The following TRIM67 variants were observed in gnomAD, a reference collection of about 807,000 sequenced individuals.
The protein encoded by TRIM67 is tripartite motif-containing protein 67.
Under a neutral mutation model 71.0 loss-of-function variants are expected in TRIM67, and 39 were observed. That is an observed-to-expected ratio of 0.55 (90% confidence interval 0.43 to 0.72). The LOEUF is 0.72. Ranked by LOEUF, TRIM67 falls within the 30% of genes least tolerant of loss-of-function variation. The pLI is 0.00. For missense variants in TRIM67, 973 were observed against 1,079.2 expected (o/e 0.90, Z 1.38); for synonymous variants, 481 against 473.9 (o/e 1.01, Z -0.19).
At position 231,201,260 on chromosome 1, in the gene TRIM67, G is replaced by A. The variant is rs985625945; in HGVS notation, c.1375-98G>A. ...TAGAGCACAACCCTTTTCTGTCTCT[G>A]AGTCCCATAGAGACAAAGTCCCTAC... On this transcript the variant is annotated intron_variant, in intron 4 of 9. Coordinates refer to ENST00000366653, the MANE Select transcript of TRIM67 (RefSeq NM_001004342.5). The A allele has an allele frequency of 1.7e-5, 22 of 1,302,354 alleles. No homozygotes were observed. In the African/African-American group the frequency reaches 3.1e-4, roughly 19 times the overall value. The allele number at this position is 1,302,354 out of a possible 1,614,324, so 80.7% of individuals were successfully genotyped here.
At chr1:231,176,916 A>AAAAAAAAAC (rs1553322822) in intron 1 of TRIM67, among the ~76,000 whole-genome samples, 2 of 151,670 alleles carry the variant, frequency 1.3e-5, no homozygotes, top group African/African-American at 4.8e-5. Flanking sequence ...CAAAAAAAAA[A>AAAAAAAAAC]AAAAAAACAC....
At chr1:231,203,807 G>A in intron 5 of TRIM67, 60 bp from the exon 6 acceptor site, 5 of 1,561,504 alleles carry the variant, frequency 3.2e-6, no homozygotes, top group Non-Finnish European at 4.3e-6. Context: ...GTGGGGTGGG[G>A]GACCGGGCTG....
At chr1:231,204,514 T>C (rs1446325990) in intron 6 of TRIM67, among the ~76,000 whole-genome samples, 2 of 152,168 alleles carry the variant, frequency 1.3e-5, no homozygotes, top group Non-Finnish European at 2.9e-5. Flanking sequence ...TAGACTATCA[T>C]GGGGGCAATA....
chr1:231,171,431 C>G (rs1682614936), intron 1 of TRIM67, among the ~76,000 whole-genome samples: 1 of 152,108 alleles, frequency 6.6e-6, no homozygotes, highest in African/African-American at 2.4e-5. Flanking sequence ...CCTTGGGTTT[C>G]ATATTAGTTT....
intron 8 of TRIM67, among the ~76,000 whole-genome samples, chr1:231,213,431 T>C (rs1455006362): frequency 1.3e-5 from 2 of 152,132 alleles, no homozygotes; most frequent in Admixed American, 6.5e-5. Flanking sequence ...CAGCATCCTA[T>C]ATATAATTTT....
chr1:231,199,200 C>G (rs1190292500), intron 3 of TRIM67, 31 bp downstream of exon 3: 1 of 1,607,506 alleles, frequency 6.2e-7, no homozygotes, highest in African/African-American at 1.3e-5. Flanking sequence ...CACATTGAAT[C>G]CCTGCCACAT....
Position 231,218,252 on chromosome 1 carries a change from A to G in TRIM67, c.*2812A>G, listed in dbSNP as rs1684063658. 1.0e-6 allele frequency: 1 copy of G among 998,466 alleles called. No individual in the cohort carries two copies. Among genetic ancestry groups the G allele is most frequent in the African/African-American group, 1.7e-5 (1 of 58,098 alleles). 61.9% of individuals were successfully genotyped at this position (998,466 alleles called of 1,614,324 possible). A position where few individuals can be genotyped will look rare whatever the true frequency, so the allele number is the denominator to read the frequency against. On this transcript the variant is annotated 3_prime_UTR_variant, in exon 10 of 10. Transcript: ENST00000366653. ...ACCATCGAATTCCATAACACGTTAC[A>G]TCATGGTGGCACATTTGTACATACA... is the stretch of plus-strand genomic sequence containing the variant.
At chr1:231,213,772 AG>A (rs1404471807) in intron 8 of TRIM67, 42 bp from the exon 9 acceptor site, 1 of 1,531,444 alleles carries the variant, frequency 6.5e-7, no homozygotes, top group East Asian at 2.3e-5. Flanking sequence ...CCTACATCCC[AG>A]GCTGGGTGTG....
At position 231,218,863 on chromosome 1, in the gene TRIM67, C is replaced by T. The variant is rs1186349652; in HGVS notation, c.*3423C>T. 3 of 985,368 alleles carry T rather than the reference C, an allele frequency of 3.0e-6. No individual in the cohort carries two copies. The highest frequency in any genetic ancestry group is 1.2e-6 in the Non-Finnish European group (1 of 829,972). The allele number at this position is 985,368 out of a possible 1,614,324, so 61.0% of individuals were successfully genotyped here. On this transcript the variant is annotated 3_prime_UTR_variant, in exon 10 of 10. Coordinates refer to ENST00000366653, the MANE Select transcript of TRIM67 (RefSeq NM_001004342.5). ...GCAGGCCCACCCTCCTCTTTGCGCC[C>T]TTTCTCTCCCTCTTGGTGCCCCTGC... is the stretch of plus-strand genomic sequence containing the variant.
At position 231,184,947 on chromosome 1, in the gene TRIM67, G is replaced by C. The variant is rs1217053683; in HGVS notation, c.1045-12424G>C. On this transcript the variant is annotated intron_variant, in intron 1 of 9. Coordinates refer to ENST00000366653, the MANE Select transcript of TRIM67 (RefSeq NM_001004342.5). ...ATTCAGGGCCCAACCCTGAAGCCCAGCTCTAAGGGTTGCTGGATAAACACC... is the reference window on the plus strand; with the variant it reads ...ATTCAGGGCCCAACCCTGAAGCCCACCTCTAAGGGTTGCTGGATAAACACC... 3 of 1,411,134 alleles carry C rather than the reference G, an allele frequency of 2.1e-6. No homozygotes were observed. In the African/African-American group the frequency reaches 4.3e-5, roughly 20 times the overall value. 87.4% of individuals were successfully genotyped at this position (1,411,134 alleles called of 1,614,324 possible).
chr1:231,163,319 C>T lies in TRIM67; in HGVS notation c.350C>T (p.Pro117Leu). ...ETDSGYGSYT[P>L]SLKSPNGVRV... is the part of the protein sequence containing the mutation. ...GACAGCGGCTACGGGTCCTACACCC[C>T]GAGCCTCAAGTCCCCCAACGGGGTT... is the stretch of plus-strand genomic sequence containing the variant. Residue 117 changes from proline (P) to leucine (L), a missense_variant, in exon 1 of 10, where the codon CCG (proline) becomes CTG (leucine). Around this residue, in one of 2 missense-constraint regions of TRIM67, gnomAD observed 795 missense variants for 831.3 expected, o/e 0.96. Coordinates refer to ENST00000366653, the MANE Select transcript of TRIM67 (RefSeq NM_001004342.5). 1.3e-6 allele frequency: 2 copies of T among 1,521,172 alleles called. No individual in the cohort carries two copies. Among genetic ancestry groups the T allele is most frequent in the Non-Finnish European group, 8.8e-7 (1 of 1,133,330 alleles). The allele number at this position is 1,521,172 out of a possible 1,614,324, so 94.2% of individuals were successfully genotyped here.
rs182369116 is a variant in TRIM67 at position 231,195,368 on chromosome 1, G to A, written c.1045-2003G>A. Among the ~76,000 whole-genome samples, 88 of 152,298 alleles carry A rather than the reference G, an allele frequency of 5.8e-4. 2 individuals are homozygous for A. The East Asian group carries it at 0.016, about 27-fold the overall frequency. The stretch of plus-strand genomic sequence containing the variant: ...TACCCACAGGCAGCTAGCGGCTACC[G>A]TCAGGGACAGAGCAGACCTGAGACG... On this transcript the variant is annotated intron_variant, in intron 1 of 9. Transcript: ENST00000366653.
intron 9 of TRIM67, 37 bp from the exon 10 acceptor site, chr1:231,215,338 C>A: frequency 6.2e-7 from 1 of 1,603,708 alleles, no homozygotes; most frequent in Non-Finnish European, 8.5e-7. Flanking sequence ...CCTGCGGCAG[C>A]CTCTCCCACC....
intron 1 of TRIM67, among the ~76,000 whole-genome samples, chr1:231,181,958 GT>G (rs1682917977): frequency 6.6e-6 from 1 of 152,184 alleles, no homozygotes; most frequent in African/African-American, 2.4e-5. Flanking sequence ...TAAAGGGATG[GT>G]TTGGGATATT....
At chr1:231,184,065 G>A (rs979197365) in intron 1 of TRIM67, 1 of 152,190 alleles carries the variant, frequency 6.6e-6, no homozygotes, top group African/African-American at 2.4e-5. Context: ...TGCTGGCCTC[G>A]AATAGGGTGT....
In TRIM67 at chr1:231,197,443, A is replaced by C; in HGVS notation, c.1117A>C (p.Lys373Gln). The change falls in exon 2 of 10, where the codon AAG becomes CAG. Residue 373 changes from lysine to glutamine, a missense_variant. Transcript: ENST00000366653. ...KEAKEFLVQL[K>Q]NILQQIQENG... ...AGCAAAGGAGTTTCTGGTTCAGCTAAAGAACATATTGCAGCAGATCCAGGT... is the reference window on the plus strand; with the variant it reads ...AGCAAAGGAGTTTCTGGTTCAGCTACAGAACATATTGCAGCAGATCCAGGT... 1 of 1,614,002 alleles carries C rather than the reference A, an allele frequency of 6.2e-7. No individual in the cohort carries two copies. The highest frequency in any genetic ancestry group is 1.1e-5 in the South Asian group (1 of 91,080).
rs1203610577 is a variant in TRIM67, at chr1:231,217,034, C to T, written c.*1594C>T. 7.1e-6 allele frequency: 7 copies of T among 985,918 alleles called. No individual in the cohort carries two copies. Among genetic ancestry groups the T allele is most frequent in the Non-Finnish European group, 8.4e-6 (7 of 829,944 alleles). The allele number at this position is 985,918 out of a possible 1,614,324, so 61.1% of individuals were successfully genotyped here. On this transcript the variant is annotated 3_prime_UTR_variant, in exon 10 of 10. Transcript: ENST00000366653. ...CGCCCATTCACCAGCACCAACTGTG[C>T]GTCCTTGGTTCTGCCTTCCTGTTCA... is the stretch of plus-strand genomic sequence containing the variant.
chr1:231,213,730 C>G (rs939554862), intron 8 of TRIM67, 85 bp from the exon 9 acceptor site: 3 of 1,467,064 alleles, frequency 2.0e-6, no homozygotes, highest in African/African-American at 2.8e-5. Context: ...GACCGTGTCT[C>G]TAAATAAGTA....
Position 231,219,289 on chromosome 1 carries a change from G to A in TRIM67, c.*3849G>A, listed in dbSNP as rs978002318. On this transcript the variant is annotated 3_prime_UTR_variant, in exon 10 of 10. Coordinates refer to ENST00000366653, the MANE Select transcript of TRIM67 (RefSeq NM_001004342.5). ...CTGCCAGTAGCAACCCCCAAGTTAG[G>A]TGTGACAACCAAAAGTATCTGTCGA... 135 of 980,594 alleles carry A rather than the reference G, an allele frequency of 1.4e-4. No homozygotes were observed. The highest frequency in any genetic ancestry group is 1.6e-4 in the Non-Finnish European group (132 of 825,486). 60.7% of individuals were successfully genotyped at this position (980,594 alleles called of 1,614,324 possible). A position where few individuals can be genotyped will look rare whatever the true frequency, so the allele number is the denominator to read the frequency against.
Sources: allele counts gnomAD v4.1 joint callset (sites outside exome capture counted in the v4.1 genomes callset), GRCh38; gene constraint gnomAD v4.1.1; regional missense constraint gnomAD v4.1.1; transcripts MANE v1.5; gene names NCBI Gene and HGNC (gene_info 2026-07-23, HGNC 2026-07-21).